The following DIS3 variants were observed in gnomAD, a reference collection of about 807,000 sequenced individuals.
The protein encoded by DIS3 is DIS3 exosome endoribonuclease and 3'-5' exoribonuclease, also known as exosome complex exonuclease RRP44.
A neutral mutation model predicts 113.0 loss-of-function variants in DIS3; 103 were observed. That is an observed-to-expected ratio of 0.91 (90% CI 0.78 to 1.07). The LOEUF is 1.07. DIS3 is among the 50% of genes least tolerant of loss of function. DIS3 has a pLI of 0.00. For missense variants in DIS3, 1,121 were observed against 1,167.1 expected (o/e 0.96, Z 0.58); for synonymous variants, 402 against 394.3 (o/e 1.02, Z -0.23).
At chr13:72,777,783 C>A (rs1418561320) in intron 3 of DIS3, among the ~76,000 whole-genome samples, 1 of 151,664 alleles carries the variant, frequency 6.6e-6, no homozygotes, top group Non-Finnish European at 1.5e-5. Context: ...GCTATAGTCT[C>A]CCTATGTTGC....
rs867650462 is a variant in DIS3, at chr13:72,753,108, G to T, written c.*6687C>A. 2 of 152,284 alleles carry T rather than the reference G, an allele frequency of 1.3e-5. No individual in the cohort carries two copies. The highest frequency in any genetic ancestry group is 3.4e-3 in the Middle Eastern group (1 of 294). The allele number at this position is 152,284 out of a possible 1,614,324, so 9.4% of individuals were successfully genotyped here. The stretch of plus-strand genomic sequence containing the variant: ...ATTAAATATATAGAGATAGTGCCTG[G>T]CCTTTTTAGACACTCAATAAATGTT... On this transcript the variant is annotated 3_prime_UTR_variant, in exon 21 of 21. Transcript: ENST00000377767.
intron 18 of DIS3, 41 bp from the exon 19 acceptor site, chr13:72,761,562 T>A: frequency 3.9e-6 from 6 of 1,529,000 alleles, no homozygotes; most frequent in Non-Finnish European, 5.3e-6. Context: ...GTCTTAAAAA[T>A]TTTTAAATAA....
chr13:72,768,616 C>T (rs181545933), intron 14 of DIS3, among the ~76,000 whole-genome samples, 169 bp downstream of exon 14: 69 of 152,234 alleles, frequency 4.5e-4, no homozygotes, highest in African/African-American at 1.6e-3. Context: ...TGCACTCCAG[C>T]GTGGGTGACA....
intron 4 of DIS3, among the ~76,000 whole-genome samples, chr13:72,777,099 T>C (rs1390612388): frequency 6.6e-6 from 1 of 152,212 alleles, no homozygotes; most frequent in East Asian, 1.9e-4. Flanking sequence ...CTGTCTGCAG[T>C]GCCTGCCACT....
At position 72,753,829 on chromosome 13, in the gene DIS3, G is replaced by A; in HGVS notation, c.*5966C>T. The A allele has an allele frequency of 6.2e-7, 1 of 1,606,962 alleles. No homozygotes were observed. Among genetic ancestry groups the A allele is most frequent in the Non-Finnish European group, 8.5e-7 (1 of 1,174,450 alleles). On this transcript the variant is annotated 3_prime_UTR_variant, in exon 21 of 21. Transcript: ENST00000377767. ...CAAGCATTTAATATGAAGGTACGGAGAAAATATAGTGAAAGCTTAATATTG... is the reference window on the plus strand; with the variant it reads ...CAAGCATTTAATATGAAGGTACGGAAAAAATATAGTGAAAGCTTAATATTG...
Position 72,780,845 on chromosome 13 carries a change from C to A in DIS3, c.386+1G>T. 1.2e-6 allele frequency: 2 copies of A among 1,601,246 alleles called. No homozygotes were observed. Among genetic ancestry groups the A allele is most frequent in the Non-Finnish European group, 1.7e-6 (2 of 1,175,510 alleles). ...GATATTTAACGTAATATTCCTCCTA[C>A]CTATGGTGCTCATTAGTGAAAGTAT... On this transcript the variant is annotated splice_donor_variant, in intron 2 of 20. Transcript: ENST00000377767. LOFTEE classifies it high-confidence loss of function.
At chr13:72,760,497 T>C (rs780461787) in intron 20 of DIS3, 32 bp downstream of exon 20, 5 of 1,612,780 alleles carry the variant, frequency 3.1e-6, no homozygotes, top group East Asian at 4.5e-5. Flanking sequence ...GTTTGTTCCA[T>C]CACAACAAGG....
intron 15 of DIS3, among the ~76,000 whole-genome samples, chr13:72,765,375 A>G (rs1029375479): frequency 4.6e-5 from 7 of 152,146 alleles, no homozygotes; most frequent in Non-Finnish European, 1.0e-4. Context: ...ATTCTACCCT[A>G]CTATCTATCC....
In DIS3 at chr13:72,755,450, C is replaced by T. The variant is rs1183531115; in HGVS notation, c.*4345G>A. 1 of 492,970 alleles carries T rather than the reference C, an allele frequency of 2.0e-6. No homozygotes were observed. The highest frequency in any genetic ancestry group is 3.4e-5 in the East Asian group (1 of 29,240). 30.5% of individuals were successfully genotyped at this position (492,970 alleles called of 1,614,324 possible). ...TTATCAATAAATATTTTTATACTTA[C>T]ATTGAGTGATGTGTTTAACAACAAA... On this transcript the variant is annotated 3_prime_UTR_variant, in exon 21 of 21. Transcript: ENST00000377767.
chr13:72,768,904 C>T lies in DIS3; in HGVS notation c.1764G>A (p.Leu588=). The T allele has an allele frequency of 6.3e-7, 1 of 1,579,292 alleles. No homozygotes were observed. The highest frequency in any genetic ancestry group is 8.7e-7 in the Non-Finnish European group (1 of 1,155,836). Residue 588 remains leucine (L), a synonymous_variant, in exon 14 of 21, where the codon CTG becomes CTA. Transcript: ENST00000377767. ...TTCTCAACTGAGCTTCAGCATACGT[C>T]AGAGATGCCTAAAAAAGAAAATGTA... ...TKSVINSKAS[L]TYAEAQLRID... is the part of the protein sequence containing the mutation.
In DIS3 at chr13:72,755,747, A is replaced by G; in HGVS notation, c.*4048T>C. 1 of 397,474 alleles carries G rather than the reference A, an allele frequency of 2.5e-6. No homozygotes were observed. The highest frequency in any genetic ancestry group is 4.4e-6 in the Non-Finnish European group (1 of 225,848). 24.6% of individuals were successfully genotyped at this position (397,474 alleles called of 1,614,324 possible). Reference sequence around the variant, plus strand: ...TTGGTCTGTTCACCTCTGTGGGGAAAATTCTTAGTTCCAGTGATAACTGTT... The same window carrying G: ...TTGGTCTGTTCACCTCTGTGGGGAAGATTCTTAGTTCCAGTGATAACTGTT... On this transcript the variant is annotated 3_prime_UTR_variant, in exon 21 of 21. Transcript: ENST00000377767.
rs529517812 is a variant in DIS3, at chr13:72,757,588, G to A, written c.*2207C>T. The A allele has an allele frequency of 5.4e-4, 88 of 161,910 alleles. No individual in the cohort carries two copies. Among genetic ancestry groups the A allele is most frequent in the African/African-American group, 2.1e-3 (86 of 41,816 alleles). The allele number at this position is 161,910 out of a possible 1,614,324, so 10.0% of individuals were successfully genotyped here. A position where few individuals can be genotyped will look rare whatever the true frequency, so the allele number is the denominator to read the frequency against. ...TTACAGGCATCCGCCGTTACACCCA[G>A]CTAAGTTTTTGTATTTTTAGTAGAG... On this transcript the variant is annotated 3_prime_UTR_variant, in exon 21 of 21. Transcript: ENST00000377767.
rs1489221830 is a variant in DIS3, at chr13:72,773,804, A to C, written c.1119T>G (p.Phe373Leu). The C allele has an allele frequency of 6.2e-7, 1 of 1,612,556 alleles. No homozygotes were observed. The highest frequency in any genetic ancestry group is 8.5e-7 in the Non-Finnish European group (1 of 1,179,730). The part of the protein sequence containing the change: ...SDIKESRRHL[F>L]TPADKRIPRI... ...GAGGGATTCTCTTATCAGCAGGTGT[A>C]AAGAGATGTCTTCTTGACTAGCAAA... Residue 373 changes from phenylalanine to leucine, a missense_variant, in exon 8 of 21, where the codon TTT becomes TTG. Phe to Leu is a conservative substitution (Grantham distance 22). This residue lies in a region of DIS3 where 861 missense variants were observed against 915.5 expected (regional missense o/e 0.94). Transcript: ENST00000377767.
intron 2 of DIS3, among the ~76,000 whole-genome samples, chr13:72,778,749 A>T (rs1474385857): frequency 6.6e-6 from 1 of 152,214 alleles, no homozygotes; most frequent in Non-Finnish European, 1.5e-5. Flanking sequence ...TTTCATTCAA[A>T]CTGTAGGTTA....
intron 14 of DIS3, among the ~76,000 whole-genome samples, 164 bp from the exon 15 acceptor site, chr13:72,766,222 CA>C (rs1231024588): frequency 1.8e-4 from 28 of 152,148 alleles, no homozygotes; most frequent in Admixed American, 1.4e-3. Flanking sequence ...TTTTCATAAA[CA>C]GCTCAGTAGA....
At chr13:72,779,449 C>A (rs1328130797) in intron 2 of DIS3, among the ~76,000 whole-genome samples, 1 of 152,062 alleles carries the variant, frequency 6.6e-6, no homozygotes, top group Non-Finnish European at 1.5e-5. Flanking sequence ...GTGAAAGACA[C>A]AGTCATAAAT....
At chr13:72,778,113 C>A (rs955181508) in intron 3 of DIS3, 74 bp downstream of exon 3, 1 of 1,264,360 alleles carries the variant, frequency 7.9e-7, no homozygotes. Context: ...AAGTGAACAT[C>A]TGACTATAGG....
At position 72,772,772 on chromosome 13, in the gene DIS3, T is replaced by C; in HGVS notation, c.1307A>G (p.Glu436Gly). 6.2e-7 allele frequency: 1 copy of C among 1,613,420 alleles called. No homozygotes were observed. The highest frequency in any genetic ancestry group is 8.5e-7 in the Non-Finnish European group (1 of 1,179,860). Residue 436 changes from glutamate (E) to glycine (G), a missense_variant, in exon 9 of 21, where the codon GAA becomes GGA. By Grantham distance (98) the Glu-to-Gly change is moderately conservative. Around this residue, in one of 3 missense-constraint regions of DIS3, gnomAD observed 861 missense variants for 915.5 expected, o/e 0.94. Transcript: ENST00000377767. ...KETETEVLLL[E>G]HDVPHQPFSQ... ...AAAAGGCTGATGGGGAACATCGTGT[T>C]CAAGTAACAAAACTTCTGTTTCAGT...
At chr13:72,767,095 C>T (rs1222622777) in intron 14 of DIS3, among the ~76,000 whole-genome samples, 2 of 152,072 alleles carry the variant, frequency 1.3e-5, no homozygotes, top group Admixed American at 1.3e-4. Context: ...CATTTTTCCT[C>T]ATAGAACACC....
Sources: allele counts gnomAD v4.1 joint callset (sites outside exome capture counted in the v4.1 genomes callset), GRCh38; gene constraint gnomAD v4.1.1; regional missense constraint gnomAD v4.1.1; transcripts MANE v1.5; gene names NCBI Gene and HGNC (gene_info 2026-07-23, HGNC 2026-07-21).